The following KIT variants were observed in gnomAD, a reference collection of about 807,000 sequenced individuals.
KIT encodes KIT proto-oncogene, receptor tyrosine kinase, also known as mast/stem cell growth factor receptor Kit.
Under a neutral mutation model 105.7 loss-of-function variants are expected in KIT, and 16 were observed. The observed-to-expected ratio is 0.15, with a 90% CI of 0.10 to 0.23. KIT has a LOEUF of 0.23. Ranked by LOEUF, KIT falls within the 10% of genes least tolerant of loss-of-function variation. The pLI is 1.00. For missense variants in KIT, 858 were observed against 1,213.8 expected, an observed-to-expected ratio of 0.71 and a Z score of 4.36; for synonymous variants, 438 against 441.1, an observed-to-expected ratio of 0.99 and a Z score of 0.09.
intron 9 of KIT, among the ~76,000 whole-genome samples, chr4:54,726,566 C>A (rs1303196010): frequency 2.0e-5 from 3 of 152,244 alleles, no homozygotes; most frequent in African/African-American, 7.2e-5. Flanking sequence ...ATCTTTTGGG[C>A]AAACTGATGA....
Position 54,696,740 on chromosome 4 carries a change from A to G in KIT, c.337+959A>G, listed in dbSNP as rs182317279. Among the ~76,000 whole-genome samples the G allele has an allele frequency of 5.3e-5, 8 of 152,362 alleles. No homozygotes were observed. The East Asian group carries it at 1.5e-3, about 29-fold the overall frequency. ...TTCTAACATGCTCCATCAGGAGCGA[A>G]TAAAGCTGACTCTAAAGTTTGACTG... On this transcript the variant is annotated intron_variant, in intron 2 of 20. Transcript: ENST00000288135.
At chr4:54,721,178 C>T (rs1243092867) in intron 7 of KIT, among the ~76,000 whole-genome samples, 1 of 152,118 alleles carries the variant, frequency 6.6e-6, no homozygotes, top group Non-Finnish European at 1.5e-5. Context: ...AGGAGGCAGA[C>T]CAAGATCTTG....
intron 17 of KIT, chr4:54,733,422 T>C (rs550910623): frequency 4.3e-6 from 2 of 463,176 alleles, no homozygotes; most frequent in African/African-American, 2.0e-5. Context: ...TTGGGGCATG[T>C]GAAGGAAACA....
At chr4:54,668,623 T>A (rs981809594) in intron 1 of KIT, among the ~76,000 whole-genome samples, 5 of 152,202 alleles carry the variant, frequency 3.3e-5, no homozygotes, top group Admixed American at 2.0e-4. Context: ...ATGTGTCTCT[T>A]TTTATTGGAA....
chr4:54,717,891 C>A (rs1721604917), intron 7 of KIT, among the ~76,000 whole-genome samples: 1 of 152,038 alleles, frequency 6.6e-6, no homozygotes, highest in African/African-American at 2.4e-5. Flanking sequence ...GATGTGTGTA[C>A]AGGTCTTCCT....
intron 17 of KIT, among the ~76,000 whole-genome samples, chr4:54,734,260 G>T (rs1159758514): frequency 6.6e-6 from 1 of 152,190 alleles, no homozygotes; most frequent in Non-Finnish European, 1.5e-5. Flanking sequence ...TCCAGGCCCA[G>T]TCTTGATGAA....
At chr4:54,726,265 T>C (rs1722211249) in intron 9 of KIT, among the ~76,000 whole-genome samples, 1 of 152,236 alleles carries the variant, frequency 6.6e-6, no homozygotes, top group African/African-American at 2.4e-5. Flanking sequence ...TTATATATTT[T>C]ATATGTATGT....
At chr4:54,663,219 G>A (rs928742009) in intron 1 of KIT, among the ~76,000 whole-genome samples, 2 of 152,166 alleles carry the variant, frequency 1.3e-5, no homozygotes, top group African/African-American at 4.8e-5. Flanking sequence ...AGTTAATTAC[G>A]AGCTTGGGCT....
intron 5 of KIT, 66 bp downstream of exon 5, chr4:54,703,958 TC>T: frequency 8.1e-7 from 1 of 1,241,076 alleles, no homozygotes; most frequent in Non-Finnish European, 1.2e-6. Flanking sequence ...TTAGACAGTT[TC>T]TTTTTTATGT....
At chr4:54,691,126 G>C (rs779285069) in intron 1 of KIT, among the ~76,000 whole-genome samples, 1 of 152,122 alleles carries the variant, frequency 6.6e-6, no homozygotes, top group Non-Finnish European at 1.5e-5. Flanking sequence ...ATTGACATGG[G>C]TCATCTTTTG....
At chr4:54,686,388 A>C (rs974181434) in intron 1 of KIT, among the ~76,000 whole-genome samples, 1 of 152,238 alleles carries the variant, frequency 6.6e-6, no homozygotes, top group Non-Finnish European at 1.5e-5. Context: ...TGGCATGCAG[A>C]TAGAACATAT....
At chr4:54,699,213 C>G (rs1320715352) in intron 3 of KIT, among the ~76,000 whole-genome samples, 2 of 152,072 alleles carry the variant, frequency 1.3e-5, no homozygotes, top group Non-Finnish European at 2.9e-5. Flanking sequence ...TATTTAAAAC[C>G]TGGGATTTCC....
chr4:54,737,093 T>G, intron 19 of KIT, 82 bp from the exon 20 acceptor site: 1 of 885,586 alleles, frequency 1.1e-6, no homozygotes, highest in Non-Finnish European at 1.9e-6. Context: ...CTGGAATTAT[T>G]ACTGAAGTTG....
rs201778132 is a variant in KIT, at chr4:54,657,994, G to A, written c.-21G>A. On this transcript the variant is annotated 5_prime_UTR_variant, in exon 1 of 21. Coordinates refer to ENST00000288135, the MANE Select transcript of KIT (RefSeq NM_000222.3). ...GAGCTGGAACGTGGACCAGAGCTCG[G>A]ATCCCATCGCAGCTACCGCGATGAG... The A allele has an allele frequency of 6.2e-7, 1 of 1,612,042 alleles. No individual in the cohort carries two copies. Among genetic ancestry groups the A allele is most frequent in the Non-Finnish European group, 8.5e-7 (1 of 1,178,418 alleles).
At chr4:54,726,684 G>C (rs112804065) in intron 9 of KIT, among the ~76,000 whole-genome samples, 1 of 151,990 alleles carries the variant, frequency 6.6e-6, no homozygotes, top group African/African-American at 2.4e-5. Flanking sequence ...GCAAAGACTA[G>C]TGCCAAAAAG....
chr4:54,674,242 C>T (rs1003896889), intron 1 of KIT, among the ~76,000 whole-genome samples: 1 of 152,208 alleles, frequency 6.6e-6, no homozygotes, highest in African/African-American at 2.4e-5. Context: ...CAGTGTGGGG[C>T]TTTGCCTTGG....
chr4:54,738,246 G>A (rs1433223875), intron 20 of KIT, among the ~76,000 whole-genome samples, 183 bp from the exon 21 acceptor site: 1 of 152,048 alleles, frequency 6.6e-6, no homozygotes, highest in Non-Finnish European at 1.5e-5. Context: ...AAATGAAGGG[G>A]GAAAACAAAG....
intron 3 of KIT, 120 bp downstream of exon 3, chr4:54,698,685 C>T: frequency 8.9e-7 from 1 of 1,128,188 alleles, no homozygotes; most frequent in Non-Finnish European, 1.3e-6. Flanking sequence ...CATAGTTCCC[C>T]CAGCTTCAAA....
rs751206924 is a variant in KIT, at chr4:54,733,123, C to G, written c.2415C>G (p.Ile805Met). ...ARNILLTHGRITKICDFGLAR... is the reference protein window; with the variant it reads ...ARNILLTHGRMTKICDFGLAR... ...ATATCCTCCTTACTCATGGTCGGAT[C>G]ACAAAGATTTGTGATTTTGGTCTAG... is the stretch of plus-strand genomic sequence containing the variant. The change falls in exon 17 of 21, where the codon ATC becomes ATG. Residue 805 changes from isoleucine (I) to methionine (M), a missense_variant. By Grantham distance (10) the Ile-to-Met change is conservative. This residue lies in a region of KIT where 63 missense variants were observed against 137.4 expected (regional missense o/e 0.46). Transcript: ENST00000288135. The G allele has an allele frequency of 6.2e-7, 1 of 1,612,282 alleles. No individual in the cohort carries two copies. The highest frequency in any genetic ancestry group is 8.5e-7 in the Non-Finnish European group (1 of 1,178,574).
Sources: gnomAD v4.1 joint callset for allele counts (sites outside exome capture counted in the v4.1 genomes callset) on GRCh38, gnomAD v4.1.1 for gene constraint, gnomAD v4.1.1 regional missense constraint, MANE v1.5 for transcripts, NCBI Gene and HGNC (gene_info 2026-07-23, HGNC 2026-07-21) for gene names.